UHRF2: variants seen among roughly 807,000 people sequenced by gnomAD.
UHRF2 encodes the protein ubiquitin like with PHD and ring finger domains 2, also known as E3 ubiquitin-protein ligase UHRF2.
UHRF2 carries 23 observed loss-of-function variants against 96.8 expected under a neutral mutation model. The ratio of observed to expected loss-of-function variants is 0.24; its 90% confidence interval spans 0.17 to 0.34. UHRF2 has a LOEUF of 0.34. UHRF2 is among the 10% of genes least tolerant of loss of function. UHRF2 has a pLI of 1.00. For missense variants in UHRF2, 685 were observed against 981.5 expected (o/e 0.70, Z 4.04); for synonymous variants, 385 against 332.6 (o/e 1.16, Z -1.72).
chr9:6,446,582 C>T (rs115698679), intron 3 of UHRF2, among the ~76,000 whole-genome samples: 2 of 151,150 alleles, frequency 1.3e-5, no homozygotes, highest in Admixed American at 1.3e-4. Flanking sequence ...GGCACAGTGG[C>T]TTATTCCTGT....
At chr9:6,413,978 GC>G (rs1819441431) in intron 1 of UHRF2, 1 of 196,264 alleles carries the variant, frequency 5.1e-6, no homozygotes, top group East Asian at 1.1e-4. Flanking sequence ...GGGGCCTGGG[GC>G]CCCCAGAGGG....
intron 4 of UHRF2, among the ~76,000 whole-genome samples, chr9:6,462,706 C>G (rs901760186): frequency 4.0e-5 from 6 of 151,528 alleles, no homozygotes; most frequent in African/African-American, 1.5e-4. Flanking sequence ...ATCATGAGGT[C>G]AGGAGTTCGA....
At chr9:6,433,786 C>A in intron 2 of UHRF2, 128 bp from the exon 3 acceptor site, 3 of 892,936 alleles carry the variant, frequency 3.4e-6, no homozygotes, top group Non-Finnish European at 5.0e-6. Flanking sequence ...ATCTTATTAA[C>A]CACTTTAAAC....
At chr9:6,491,241 T>C (rs1390989399) in intron 9 of UHRF2, among the ~76,000 whole-genome samples, 6 of 152,230 alleles carry the variant, frequency 3.9e-5, no homozygotes, top group Non-Finnish European at 8.8e-5. Context: ...TGGTTTTGTG[T>C]CCTGGCTGTG....
chr9:6,486,827 G>GA lies in UHRF2; in HGVS notation c.1401dup (p.Ala468SerfsTer16). On this transcript the variant is annotated frameshift_variant, in exon 9 of 16. Coordinates refer to ENST00000276893, the MANE Select transcript of UHRF2 (RefSeq NM_152896.3). LOFTEE classifies it high-confidence loss of function. ...CTCTTTAATTGTTTTATAGGTGAGC[G>GA]AAGCAGGTGTTCACAGACCCCATGT... 6.2e-7 allele frequency: 1 copy of GA among 1,614,052 alleles called. No homozygotes were observed. The highest frequency in any genetic ancestry group is 8.5e-7 in the Non-Finnish European group (1 of 1,179,952).
At chr9:6,460,290 C>A (rs893442824) in intron 3 of UHRF2, among the ~76,000 whole-genome samples, 20 of 152,244 alleles carry the variant, frequency 1.3e-4, no homozygotes, top group African/African-American at 4.8e-4. Context: ...GCGGGCTGAA[C>A]ACTTACTTGC....
chr9:6,422,519 G>A (rs774972230), intron 2 of UHRF2: 29 of 426,950 alleles, frequency 6.8e-5, no homozygotes, highest in Non-Finnish European at 9.5e-5. Context: ...TATGGAGATT[G>A]CATCTATAGA....
chr9:6,504,668 G>C lies in UHRF2; in HGVS notation c.2239G>C (p.Glu747Gln), dbSNP rs371458124. The change falls in exon 15 of 16, where the codon GAG becomes CAG. Residue 747 changes from glutamate to glutamine, a missense_variant. Transcript: ENST00000276893. ...QELVYQPVTTECFHNVCKDCL... is the reference protein window; with the variant it reads ...QELVYQPVTTQCFHNVCKDCL... ...GCTAGTTTACCAGCCTGTGACAACT[G>C]AGTGCTTCCACAATGTCTGTAAAGT... 113 of 1,613,538 alleles carry C rather than the reference G, an allele frequency of 7.0e-5. No individual in the cohort carries two copies. Among genetic ancestry groups the C allele is most frequent in the Admixed American group, 1.2e-4 (7 of 59,990 alleles).
At chr9:6,468,656 G>C (rs551562627) in intron 4 of UHRF2, 52 of 455,938 alleles carry the variant, frequency 1.1e-4, no homozygotes, top group Non-Finnish European at 2.1e-4. Context: ...TTTCACCTTT[G>C]GGCTTTGGTT....
intron 6 of UHRF2, among the ~76,000 whole-genome samples, chr9:6,479,139 C>T: frequency 6.6e-6 from 1 of 152,162 alleles, no homozygotes; most frequent in East Asian, 1.9e-4. Context: ...CTCCCACTGG[C>T]TGCCTACCCC....
intron 9 of UHRF2, among the ~76,000 whole-genome samples, chr9:6,493,350 A>T (rs1326554857): frequency 6.6e-6 from 1 of 152,080 alleles, no homozygotes; most frequent in African/African-American, 2.4e-5. Context: ...TGTAGTACTT[A>T]TTTATTGTCA....
intron 9 of UHRF2, among the ~76,000 whole-genome samples, chr9:6,488,377 A>G (rs1429829730): frequency 2.0e-5 from 3 of 149,622 alleles, no homozygotes; most frequent in Non-Finnish European, 4.4e-5. Context: ...ACTATATAGT[A>G]CAATATCAGA....
chr9:6,505,681 A>G (rs1459033159), intron 15 of UHRF2, among the ~76,000 whole-genome samples: 3 of 152,110 alleles, frequency 2.0e-5, no homozygotes, highest in Non-Finnish European at 2.9e-5. Context: ...GGGAATCCAG[A>G]TTTTTTTTCC....
At chr9:6,431,696 T>A (rs547719931) in intron 2 of UHRF2, among the ~76,000 whole-genome samples, 13 of 152,230 alleles carry the variant, frequency 8.5e-5, no homozygotes, top group Non-Finnish European at 1.6e-4. Flanking sequence ...GGCAGTATTT[T>A]GAGGTTGATT....
At chr9:6,473,560 T>C (rs1823379204) in intron 4 of UHRF2, among the ~76,000 whole-genome samples, 2 of 152,176 alleles carry the variant, frequency 1.3e-5, no homozygotes, top group African/African-American at 2.4e-5. Context: ...GATAAATAAA[T>C]AGGTACTTCC....
chr9:6,497,548 C>T (rs550970135), intron 11 of UHRF2, among the ~76,000 whole-genome samples, 188 bp downstream of exon 11: 11 of 151,268 alleles, frequency 7.3e-5, no homozygotes, highest in Admixed American at 2.6e-4. Context: ...AGGCTTATTT[C>T]GAGTTCCTAG....
intron 4 of UHRF2, among the ~76,000 whole-genome samples, chr9:6,474,934 C>T (rs145755111): frequency 2.0e-5 from 3 of 152,030 alleles, no homozygotes; most frequent in East Asian, 3.9e-4. Context: ...AGAATTATCC[C>T]ATATAATTAC....
chr9:6,445,871 C>T (rs1587804209), intron 3 of UHRF2, among the ~76,000 whole-genome samples: 1 of 150,842 alleles, frequency 6.6e-6, no homozygotes, highest in African/African-American at 2.4e-5. Flanking sequence ...GCTCTTTCTT[C>T]TAATAATATT....
chr9:6,486,983 A>G (rs1310960354), intron 9 of UHRF2, 58 bp downstream of exon 9: 26 of 1,526,644 alleles, frequency 1.7e-5, no homozygotes, highest in Admixed American at 3.5e-5. Context: ...GTAAAATAGA[A>G]TAGCTTTGCC....
Sources: allele counts gnomAD v4.1 joint callset (sites outside exome capture counted in the v4.1 genomes callset), GRCh38; gene constraint gnomAD v4.1.1; transcripts MANE v1.5; gene names NCBI Gene and HGNC (gene_info 2026-07-23, HGNC 2026-07-21).